The following NALF1 variants were observed in gnomAD, a reference collection of about 807,000 sequenced individuals.
NALF1 encodes the protein family with sequence similarity 155 member A.
A neutral mutation model predicts 48.4 loss-of-function variants in NALF1; 3 were observed. That is an observed-to-expected ratio of 0.06 (90% CI 0.03 to 0.16). The LOEUF is 0.16. Among genes scored for constraint, NALF1 ranks in the 10% least tolerant of loss-of-function variants. NALF1 has a pLI of 1.00. For missense variants in NALF1, 526 were observed against 571.5 expected, an observed-to-expected ratio of 0.92 and a Z score of 0.81; for synonymous variants, 262 against 245.7, an observed-to-expected ratio of 1.07 and a Z score of -0.62.
intron 1 of NALF1, among the ~76,000 whole-genome samples, chr13:107,397,607 T>C (rs904472286): frequency 1.3e-5 from 2 of 152,122 alleles, no homozygotes; most frequent in Non-Finnish European, 2.9e-5. Flanking sequence ...ATTTGAAAAT[T>C]ACTTACTGTT....
chr13:107,469,733 CTTTTTTTTT>C (rs61241553), intron 1 of NALF1, among the ~76,000 whole-genome samples: 2,305 of 79,936 alleles, frequency 0.029, 77 homozygotes, highest in African/African-American at 0.094. Flanking sequence ...AACTGTGTAT[CTTTTTTTTT>C]TTTTTTTTTT....
chr13:107,528,894 G>T (rs1876529891), intron 1 of NALF1, among the ~76,000 whole-genome samples: 1 of 152,108 alleles, frequency 6.6e-6, no homozygotes, highest in Admixed American at 6.6e-5. Context: ...AAAGCACAAT[G>T]AAATCTTTTA....
chr13:107,559,347 A>G (rs774619502), intron 1 of NALF1, among the ~76,000 whole-genome samples: 1 of 152,196 alleles, frequency 6.6e-6, no homozygotes, highest in Non-Finnish European at 1.5e-5. Context: ...ACAAAACAAA[A>G]CAAGTTAAGG....
intron 2 of NALF1, among the ~76,000 whole-genome samples, chr13:107,181,631 A>G (rs1879064917): frequency 6.8e-6 from 1 of 146,028 alleles, no homozygotes; most frequent in African/African-American, 2.5e-5. Context: ...TTTTTTGCAA[A>G]TGTTAGTATT....
chr13:107,432,040 G>T (rs535506241), intron 1 of NALF1, among the ~76,000 whole-genome samples: 1 of 152,252 alleles, frequency 6.6e-6, no homozygotes, highest in South Asian at 2.1e-4. Flanking sequence ...AAAGAAAAGA[G>T]GTTTATTTGG....
intron 1 of NALF1, among the ~76,000 whole-genome samples, chr13:107,504,473 T>C (rs1237693297): frequency 6.6e-6 from 1 of 152,180 alleles, no homozygotes; most frequent in Non-Finnish European, 1.5e-5. Context: ...TATGTTAATC[T>C]GATTCACTAC....
chr13:107,573,276 A>AT (rs1566398891), intron 1 of NALF1, among the ~76,000 whole-genome samples: 1 of 152,016 alleles, frequency 6.6e-6, no homozygotes. Context: ...TATTTATCTA[A>AT]TTTTTTTATC....
intron 1 of NALF1, among the ~76,000 whole-genome samples, chr13:107,583,648 A>C (rs186376628): frequency 6.6e-6 from 1 of 152,302 alleles, no homozygotes; most frequent in African/African-American, 2.4e-5. Context: ...TATGACTATC[A>C]GCATTCTCTT....
chr13:107,459,450 C>T (rs1290502395), intron 1 of NALF1, among the ~76,000 whole-genome samples: 1 of 151,966 alleles, frequency 6.6e-6, no homozygotes, highest in Non-Finnish European at 1.5e-5. Flanking sequence ...CTTTCTCAGC[C>T]TTAGAAGACA....
intron 1 of NALF1, among the ~76,000 whole-genome samples, chr13:107,337,246 A>C (rs888828908): frequency 6.6e-6 from 1 of 152,158 alleles, no homozygotes. Context: ...GTGCAATATG[A>C]AAATGCATAA....
intron 1 of NALF1, among the ~76,000 whole-genome samples, chr13:107,379,220 TGATAACCCAGA>T (rs1385524450): frequency 1.3e-5 from 2 of 152,124 alleles, no homozygotes; most frequent in Non-Finnish European, 2.9e-5. Context: ...TTCTGTTGAG[TGATAACCCAGA>T]AATAACCATA....
chr13:107,396,682 T>C (rs1883718292), intron 1 of NALF1, among the ~76,000 whole-genome samples: 1 of 152,184 alleles, frequency 6.6e-6, no homozygotes, highest in African/African-American at 2.4e-5. Context: ...TAGCACTTAC[T>C]GAAAGAACTG....
intron 1 of NALF1, among the ~76,000 whole-genome samples, chr13:107,777,332 G>A (rs188005995): frequency 2.6e-5 from 4 of 152,178 alleles, no homozygotes; most frequent in East Asian, 1.9e-4. Context: ...TTTATCAGCC[G>A]ATAGCTAAGT....
In NALF1 at chr13:107,170,536, G is replaced by C; in HGVS notation, c.1338C>G (p.Gly446=). 6.2e-7 allele frequency: 1 copy of C among 1,608,732 alleles called. No individual in the cohort carries two copies. Among genetic ancestry groups the C allele is most frequent in the Non-Finnish European group, 8.5e-7 (1 of 1,175,870 alleles). ...TTGAGTTTTCTTCCAGCGTGTTGAT[G>C]CCTCCAAAGCTCAGTCCGGCTGTGT... ...AQNTAGLSFG[G]INTLEENSTN... is the part of the protein sequence containing the mutation. Residue 446 remains glycine, a synonymous_variant, in exon 3 of 3, where the codon GGC becomes GGG. Coordinates refer to ENST00000375915, the MANE Select transcript of NALF1 (RefSeq NM_001080396.3).
At chr13:107,632,909 GAA>G (rs57758796) in intron 1 of NALF1, among the ~76,000 whole-genome samples, 10 of 139,152 alleles carry the variant, frequency 7.2e-5, no homozygotes, top group African/African-American at 1.6e-4. Flanking sequence ...CAAGCCTCAT[GAA>G]AAAAAAAAAA....
chr13:107,762,691 G>A (rs554809473), intron 1 of NALF1, among the ~76,000 whole-genome samples: 57 of 152,280 alleles, frequency 3.7e-4, no homozygotes, highest in African/African-American at 1.2e-3. Flanking sequence ...ATACAGAGTC[G>A]TTGTTCAGTG....
intron 1 of NALF1, among the ~76,000 whole-genome samples, chr13:107,469,320 T>C (rs1885058783): frequency 6.6e-6 from 1 of 152,220 alleles, no homozygotes; most frequent in Non-Finnish European, 1.5e-5. Flanking sequence ...GTGATGCTTC[T>C]TATAGACGAT....
intron 1 of NALF1, among the ~76,000 whole-genome samples, chr13:107,265,197 G>C (rs1881014556): frequency 6.6e-6 from 1 of 152,034 alleles, no homozygotes; most frequent in African/African-American, 2.4e-5. Flanking sequence ...TCCATGAATT[G>C]CCTATGCATA....
At chr13:107,675,181 T>C (rs1057168694) in intron 1 of NALF1, among the ~76,000 whole-genome samples, 1 of 152,220 alleles carries the variant, frequency 6.6e-6, no homozygotes, top group Middle Eastern at 3.2e-3. Flanking sequence ...ACTGACATTC[T>C]GTGTACCATT....
Sources: gnomAD v4.1 joint callset for allele counts (sites outside exome capture counted in the v4.1 genomes callset) on GRCh38, gnomAD v4.1.1 for gene constraint, MANE v1.5 for transcripts, NCBI Gene and HGNC (gene_info 2026-07-23, HGNC 2026-07-21) for gene names.